ASB4: variants seen among roughly 807,000 people sequenced by gnomAD.
ASB4 encodes ankyrin repeat and SOCS box containing 4.
In ASB4, 35 loss-of-function variants were observed where a neutral mutation model predicts 38.6. The ratio of observed to expected loss-of-function variants is 0.91; its 90% CI spans 0.69 to 1.20. The LOEUF is 1.20. Ranked by LOEUF, ASB4 falls within the 50% of genes most tolerant of loss-of-function variation. The pLI is 0.00. For synonymous variants in ASB4, 195 were observed against 201.3 expected (o/e 0.97, Z 0.26); for missense variants, 557 against 527.2 (o/e 1.06, Z -0.55).
intron 2 of ASB4, among the ~76,000 whole-genome samples, chr7:95,507,670 A>C (rs1790428479): frequency 6.6e-6 from 1 of 152,182 alleles, no homozygotes; most frequent in Non-Finnish European, 1.5e-5. Context: ...AAATTTATTG[A>C]ATGTTCAATT....
At chr7:95,473,581 C>T (rs977861866), upstream of ASB4, 1 of 151,974 alleles carries the variant, frequency 6.6e-6, no homozygotes, top group Non-Finnish European at 1.5e-5. Context: ...GCTCTTGCAA[C>T]CTGAAAGAGC....
chr7:95,527,822 T>C lies in ASB4; in HGVS notation c.497T>C (p.Val166Ala), dbSNP rs773859569. ...CAATTTCCCTTTATAGGGGCGAATG[T>C]GAACATGAAGACCAACAACCAAGAT... ...AKQLVWRGAN[V>A]NMKTNNQDEE... The change falls in exon 3 of 5, where the codon GTG becomes GCG. Residue 166 changes from valine (V) to alanine (A), a missense_variant. Val to Ala is a moderately conservative substitution (Grantham distance 64). Coordinates refer to ENST00000325885, the MANE Select transcript of ASB4 (RefSeq NM_016116.3). 4.4e-6 allele frequency: 7 copies of C among 1,597,584 alleles called. No homozygotes were observed. The highest frequency in any genetic ancestry group is 6.0e-6 in the Non-Finnish European group (7 of 1,167,148).
chr7:95,511,095 T>A (rs966285804), intron 2 of ASB4, among the ~76,000 whole-genome samples: 11 of 151,952 alleles, frequency 7.2e-5, no homozygotes, highest in Non-Finnish European at 1.5e-4. Context: ...CAAGAAAACA[T>A]ACAAATAGGG....
In ASB4 at chr7:95,538,506, G is replaced by A. The variant is rs1450715909; in HGVS notation, c.*747G>A. ...AGCTAACTGCAATATAAAGTGATGG[G>A]GCAAGAGTACAGGTGCAGACTCACT... On this transcript the variant is annotated 3_prime_UTR_variant, in exon 5 of 5. Transcript: ENST00000325885. The A allele has an allele frequency of 6.6e-6, 1 of 152,116 alleles. No homozygotes were observed. Among genetic ancestry groups the A allele is most frequent in the Non-Finnish European group, 1.5e-5 (1 of 68,010 alleles). 9.4% of individuals were successfully genotyped at this position (152,116 alleles called of 1,614,324 possible). A position where few individuals can be genotyped will look rare whatever the true frequency, so the allele number is the denominator to read the frequency against.
intron 3 of ASB4, among the ~76,000 whole-genome samples, chr7:95,531,881 C>A (rs887133871): frequency 1.3e-5 from 2 of 152,158 alleles, no homozygotes; most frequent in East Asian, 1.9e-4. Flanking sequence ...GTGTTCCAAC[C>A]AACTTTGTCC....
chr7:95,508,405 G>GA (rs1283889462), intron 2 of ASB4, among the ~76,000 whole-genome samples: 2 of 151,712 alleles, frequency 1.3e-5, no homozygotes. Context: ...AAGATCTGAG[G>GA]AAAAAAGAGG....
chr7:95,515,161 CTCTTTCTCTTTCTTTCTTTCTT>C (rs1433473127), intron 2 of ASB4, among the ~76,000 whole-genome samples: 12 of 125,924 alleles, frequency 9.5e-5, no homozygotes, highest in Non-Finnish European at 1.1e-4. Flanking sequence ...TTCTTTCTTT[CTCTTTCTCTTTCTTTCTTTCTT>C]TCTTTCTTTC....
At position 95,537,839 on chromosome 7, in the gene ASB4, T is replaced by C. The variant is rs1790917666; in HGVS notation, c.*80T>C. ...GACACAGTTTGCCTAAATAAAATGG[T>C]ACTTGGGTTGATTATAACACTTCAG... On this transcript the variant is annotated 3_prime_UTR_variant, in exon 5 of 5. Transcript: ENST00000325885. 1.6e-6 allele frequency: 2 copies of C among 1,250,460 alleles called. No individual in the cohort carries two copies. The highest frequency in any genetic ancestry group is 1.4e-5 in the South Asian group (1 of 69,918). 77.5% of individuals were successfully genotyped at this position (1,250,460 alleles called of 1,614,324 possible).
upstream of ASB4, among the ~76,000 whole-genome samples, chr7:95,476,581 T>G (rs1230966653): frequency 6.6e-6 from 1 of 152,142 alleles, no homozygotes; most frequent in African/African-American, 2.4e-5. Flanking sequence ...TATCTTTGAT[T>G]TCACAGTCTT....
chr7:95,485,896 C>A, upstream of ASB4: 2 of 1,320,784 alleles, frequency 1.5e-6, no homozygotes, highest in Non-Finnish European at 2.1e-6. Context: ...AGTTTGTGGA[C>A]TCTCCAGCAT....
In ASB4 at chr7:95,486,034, C is replaced by T. The variant is rs149951991; in HGVS notation, c.63C>T (p.Phe21=). ...CTGCCAAGTTAGTTAAGAGAAATTT[C>T]CTTGAGGCGCTAAAGTCCAATGACT... The part of the protein sequence containing the change: ...SGAAKLVKRN[F]LEALKSNDFG... Residue 21 remains phenylalanine (F), a synonymous_variant, in exon 1 of 5, where the codon TTC becomes TTT. Coordinates refer to ENST00000325885, the MANE Select transcript of ASB4 (RefSeq NM_016116.3). 5 of 1,613,962 alleles carry T rather than the reference C, an allele frequency of 3.1e-6. No individual in the cohort carries two copies. The African/African-American group carries it at 5.3e-5, about 17-fold the overall frequency.
the ASB4 span, among the ~76,000 whole-genome samples, chr7:95,551,299 T>C: frequency 6.6e-6 from 1 of 152,194 alleles, no homozygotes; most frequent in East Asian, 1.9e-4. Context: ...AATAAAGCAC[T>C]TTAAATGAGT....
chr7:95,522,273 A>C (rs1018917594), intron 2 of ASB4, among the ~76,000 whole-genome samples: 1 of 152,142 alleles, frequency 6.6e-6, no homozygotes, highest in African/African-American at 2.4e-5. Flanking sequence ...GAACTTTACC[A>C]ATAATTTTTT....
chr7:95,479,145 A>G (rs1790003129), intron 1 of ASB4, among the ~76,000 whole-genome samples: 1 of 152,244 alleles, frequency 6.6e-6, no homozygotes, highest in African/African-American at 2.4e-5. Flanking sequence ...TTTTACTTAC[A>G]GGAAAAGAAG....
At chr7:95,532,206 G>A (rs1051112298) in intron 3 of ASB4, among the ~76,000 whole-genome samples, 3 of 152,192 alleles carry the variant, frequency 2.0e-5, no homozygotes, top group Non-Finnish European at 2.9e-5. Context: ...AAAGTGATTC[G>A]TTCTTGTGTG....
chr7:95,493,864 T>C (rs1043494540), intron 1 of ASB4, among the ~76,000 whole-genome samples: 3 of 152,204 alleles, frequency 2.0e-5, no homozygotes, highest in African/African-American at 7.2e-5. Flanking sequence ...TGCCCCTTTT[T>C]TTAATGGTTG....
chr7:95,489,550 C>A (rs980002751), intron 1 of ASB4, among the ~76,000 whole-genome samples: 2 of 152,220 alleles, frequency 1.3e-5, no homozygotes, highest in Admixed American at 1.3e-4. Context: ...TTTAAAGAAA[C>A]TTTTCTCACA....
intron 2 of ASB4, among the ~76,000 whole-genome samples, chr7:95,506,139 T>C (rs917918888): frequency 6.6e-6 from 1 of 152,204 alleles, no homozygotes; most frequent in Admixed American, 6.5e-5. Flanking sequence ...CCTCAAGTGA[T>C]CCTCCTGCCT....
chr7:95,475,531 G>A (rs186516943), upstream of ASB4, among the ~76,000 whole-genome samples: 787 of 151,984 alleles, frequency 5.2e-3, 6 homozygotes, highest in African/African-American at 0.018. Flanking sequence ...CTACAGGTGC[G>A]TGCCACCACA....
Sources: gnomAD v4.1 joint callset for allele counts (sites outside exome capture counted in the v4.1 genomes callset) on GRCh38, gnomAD v4.1.1 for gene constraint, MANE v1.5 for transcripts, NCBI Gene and HGNC (gene_info 2026-07-23, HGNC 2026-07-21) for gene names.